SPMIP2: variants seen among roughly 807,000 people sequenced by gnomAD.
The protein encoded by SPMIP2 is protein SPMIP2.
At chr4:158,969,038 T>G in the SPMIP2 span, among the ~76,000 whole-genome samples, 1 of 152,064 alleles carries the variant, frequency 6.6e-6, no homozygotes, top group Non-Finnish European at 1.5e-5. Flanking sequence ...TTTTAAAATA[T>G]ATAATATATT....
chr4:159,050,546 T>A, the SPMIP2 span, among the ~76,000 whole-genome samples: 20 of 152,136 alleles, frequency 1.3e-4, no homozygotes, highest in Non-Finnish European at 2.1e-4. Flanking sequence ...CTCACACGTG[T>A]AATCCCAGCA....
chr4:158,928,091 C>T, the SPMIP2 span, among the ~76,000 whole-genome samples: 2 of 152,214 alleles, frequency 1.3e-5, no homozygotes, highest in Non-Finnish European at 2.9e-5. Context: ...AGTGCAGGCG[C>T]AAGGCACGGG....
At chr4:158,954,353 T>G in the SPMIP2 span, among the ~76,000 whole-genome samples, 1 of 292 alleles carries the variant, frequency 3.4e-3, no homozygotes, top group Non-Finnish European at 7.0e-3. Context: ...AGGTAAGAAG[T>G]GCCTTCTCCT....
the SPMIP2 span, among the ~76,000 whole-genome samples, chr4:158,902,656 C>T: frequency 6.6e-6 from 1 of 152,246 alleles, no homozygotes; most frequent in Non-Finnish European, 1.5e-5. Context: ...ACTGGGGCTG[C>T]TGCCTTTTTT....
chr4:158,949,591 ATT>A, the SPMIP2 span, among the ~76,000 whole-genome samples: 1 of 152,198 alleles, frequency 6.6e-6, no homozygotes, highest in Non-Finnish European at 1.5e-5. Flanking sequence ...AGAATTCCCT[ATT>A]TGCGGGATAT....
At chr4:158,931,683 C>A in the SPMIP2 span, among the ~76,000 whole-genome samples, 1 of 152,058 alleles carries the variant, frequency 6.6e-6, no homozygotes, top group Admixed American at 6.5e-5. Flanking sequence ...GTACCTCAGT[C>A]TCCCAAGTAG....
chr4:158,991,885 G>A, the SPMIP2 span, among the ~76,000 whole-genome samples: 1 of 151,940 alleles, frequency 6.6e-6, no homozygotes, highest in South Asian at 2.1e-4. Flanking sequence ...ACTCTGAGGT[G>A]TACCCTTCAG....
chr4:158,966,264 C>G, the SPMIP2 span, among the ~76,000 whole-genome samples: 1 of 152,164 alleles, frequency 6.6e-6, no homozygotes, highest in Non-Finnish European at 1.5e-5. Flanking sequence ...GCTATGCATG[C>G]TATGCATTTT....
At chr4:159,024,272 C>G in the SPMIP2 span, among the ~76,000 whole-genome samples, 184 of 152,322 alleles carry the variant, frequency 1.2e-3, no homozygotes, top group African/African-American at 4.0e-3. Flanking sequence ...CTATCCACTG[C>G]AGACTTTTCC....
the SPMIP2 span, chr4:158,915,405 C>T: frequency 6.9e-7 from 1 of 1,458,402 alleles, no homozygotes; most frequent in Non-Finnish European, 9.4e-7. Context: ...GAGCTAGAAA[C>T]AAGGCCACCA....
At chr4:159,058,247 A>AT in the SPMIP2 span, among the ~76,000 whole-genome samples, 1 of 138,932 alleles carries the variant, frequency 7.2e-6, no homozygotes, top group Non-Finnish European at 1.6e-5. Context: ...TAATAGTATT[A>AT]TTTTCTAAAT....
At chr4:159,064,143 G>A in the SPMIP2 span, among the ~76,000 whole-genome samples, 1 of 151,994 alleles carries the variant, frequency 6.6e-6, no homozygotes, top group Admixed American at 6.5e-5. Context: ...GCCAGGAGGT[G>A]GAGTTTGCAG....
the SPMIP2 span, among the ~76,000 whole-genome samples, chr4:158,929,053 A>T: frequency 6.6e-6 from 1 of 152,230 alleles, no homozygotes; most frequent in African/African-American, 2.4e-5. Flanking sequence ...TGAGACAAAG[A>T]ACCCACCAAT....
At chr4:158,985,899 C>CA in the SPMIP2 span, among the ~76,000 whole-genome samples, 1 of 151,484 alleles carries the variant, frequency 6.6e-6, no homozygotes, top group African/African-American at 2.4e-5. Flanking sequence ...TGTCTCAGCC[C>CA]AAAATCTCCT....
chr4:158,991,446 T>C, the SPMIP2 span, among the ~76,000 whole-genome samples: 1 of 152,190 alleles, frequency 6.6e-6, no homozygotes, highest in East Asian at 1.9e-4. Context: ...CCAGGTACTC[T>C]TGATAGGATG....
chr4:159,049,915 A>C, the SPMIP2 span, among the ~76,000 whole-genome samples: 5 of 152,204 alleles, frequency 3.3e-5, no homozygotes, highest in Admixed American at 1.3e-4. Flanking sequence ...GAGAGAAAAA[A>C]ATTTGGTACT....
At chr4:159,037,271 T>G in the SPMIP2 span, among the ~76,000 whole-genome samples, 71 of 152,312 alleles carry the variant, frequency 4.7e-4, no homozygotes, top group African/African-American at 1.5e-3. Flanking sequence ...CTCCATAAAA[T>G]TATTCCACTA....
chr4:158,911,995 A>C, the SPMIP2 span, among the ~76,000 whole-genome samples: 6 of 152,332 alleles, frequency 3.9e-5, no homozygotes, highest in East Asian at 1.2e-3. Context: ...CCAGAAATCC[A>C]GAAGGGGAAA....
the SPMIP2 span, among the ~76,000 whole-genome samples, chr4:158,919,197 C>T: frequency 2.0e-5 from 3 of 152,160 alleles, no homozygotes; most frequent in South Asian, 6.2e-4. Context: ...CTCAACATAA[C>T]CGTCAAAAGC....
Sources: gnomAD v4.1 joint callset for allele counts (sites outside exome capture counted in the v4.1 genomes callset) on GRCh38, gnomAD v4.1.1 for gene constraint, MANE v1.5 for transcripts, NCBI Gene and HGNC (gene_info 2026-07-23, HGNC 2026-07-21) for gene names.